Variants in R3HDM2 observed in about 807,000 individuals in gnomAD.
The protein encoded by R3HDM2 is R3H domain containing 2.
In R3HDM2, 38 loss-of-function variants were observed where a neutral mutation model predicts 124.5. The ratio of observed to expected loss-of-function variants is 0.31; its 90% CI spans 0.24 to 0.40. The LOEUF is 0.40. Among genes scored for constraint, R3HDM2 ranks in the 10% least tolerant of loss-of-function variants. The pLI is 1.00. For synonymous variants in R3HDM2, 391 were observed against 448.0 expected (o/e 0.87, Z 1.61); for missense variants, 869 against 1,236.9 (o/e 0.70, Z 4.46).
chr12:57,383,695 C>T (rs1372165263), intron 2 of R3HDM2, among the ~76,000 whole-genome samples: 1 of 152,096 alleles, frequency 6.6e-6, no homozygotes, highest in Admixed American at 6.6e-5. Flanking sequence ...GAGCGAGACT[C>T]CGTCTCAAAA....
At chr12:57,409,791 C>T (rs1248176512) in intron 1 of R3HDM2, among the ~76,000 whole-genome samples, 1 of 151,794 alleles carries the variant, frequency 6.6e-6, no homozygotes, top group Non-Finnish European at 1.5e-5. Flanking sequence ...AAAAATTTAC[C>T]CCATAACCCC....
intron 2 of R3HDM2, among the ~76,000 whole-genome samples, chr12:57,355,750 T>G (rs2061217620): frequency 6.6e-6 from 1 of 152,166 alleles, no homozygotes; most frequent in African/African-American, 2.4e-5. Flanking sequence ...AATTTAAAAA[T>G]ATCAAGTCTT....
intron 1 of R3HDM2, among the ~76,000 whole-genome samples, chr12:57,405,594 A>C (rs1355570431): frequency 6.6e-6 from 1 of 152,208 alleles, no homozygotes; most frequent in African/African-American, 2.4e-5. Flanking sequence ...TGATCACACC[A>C]CTGCACTACA....
intron 2 of R3HDM2, among the ~76,000 whole-genome samples, chr12:57,350,135 G>A (rs951113091): frequency 7.2e-5 from 11 of 151,956 alleles, no homozygotes; most frequent in Non-Finnish European, 1.3e-4. Context: ...GCTTGAACCC[G>A]GGAGGCAGAG....
At chr12:57,307,847 G>A (rs1431279474) in intron 3 of R3HDM2, among the ~76,000 whole-genome samples, 1 of 151,822 alleles carries the variant, frequency 6.6e-6, no homozygotes, top group African/African-American at 2.4e-5. Flanking sequence ...GAAATGCATA[G>A]AGAGTAGAGT....
At chr12:57,305,305 T>C (rs1177597646) in intron 3 of R3HDM2, among the ~76,000 whole-genome samples, 1 of 152,242 alleles carries the variant, frequency 6.6e-6, no homozygotes, top group African/African-American at 2.4e-5. Context: ...CTACATAGTA[T>C]TCCACTGTGT....
intron 1 of R3HDM2, among the ~76,000 whole-genome samples, chr12:57,418,579 T>A (rs1454544621): frequency 6.6e-6 from 1 of 151,738 alleles, no homozygotes; most frequent in Admixed American, 6.6e-5. Context: ...TTTTTTTTTT[T>A]GTAAATGGAG....
intron 2 of R3HDM2, among the ~76,000 whole-genome samples, chr12:57,332,176 G>T (rs1397958861): frequency 6.6e-6 from 1 of 151,922 alleles, no homozygotes; most frequent in African/African-American, 2.4e-5. Context: ...TTGGAAGGCT[G>T]AGGTGGGAGG....
chr12:57,345,532 CACACACACACACAT>C (rs2060001233), intron 2 of R3HDM2, among the ~76,000 whole-genome samples: 1 of 145,558 alleles, frequency 6.9e-6, no homozygotes, highest in Admixed American at 6.8e-5. Flanking sequence ...CACACACACA[CACACACACACACAT>C]ATATTAAGAG....
intron 2 of R3HDM2, among the ~76,000 whole-genome samples, chr12:57,330,935 T>C (rs547538298): frequency 5.9e-5 from 9 of 151,664 alleles, no homozygotes; most frequent in African/African-American, 1.2e-4. Context: ...CCTGACCTTG[T>C]GATCTGCCCG....
chr12:57,402,372 A>G (rs1427968157), intron 1 of R3HDM2, among the ~76,000 whole-genome samples: 1 of 152,116 alleles, frequency 6.6e-6, no homozygotes, highest in African/African-American at 2.4e-5. Flanking sequence ...TTTGGAGATA[A>G]GAGTCTCACT....
intron 1 of R3HDM2, among the ~76,000 whole-genome samples, chr12:57,428,509 G>A (rs1868575007): frequency 1.3e-5 from 2 of 149,444 alleles, no homozygotes; most frequent in Non-Finnish European, 3.0e-5. Flanking sequence ...GGGTGTGGTG[G>A]GGGGCGTGGT....
At chr12:57,421,202 T>C (rs1453238765) in intron 1 of R3HDM2, among the ~76,000 whole-genome samples, 1 of 147,262 alleles carries the variant, frequency 6.8e-6, no homozygotes, top group Non-Finnish European at 1.5e-5. Context: ...TTTGCTCTTG[T>C]TGCCCAGGCT....
At chr12:57,309,041 G>A (rs1032415600) in intron 3 of R3HDM2, among the ~76,000 whole-genome samples, 1 of 152,168 alleles carries the variant, frequency 6.6e-6, no homozygotes, top group Non-Finnish European at 1.5e-5. Flanking sequence ...ATTGTAAGAC[G>A]AAAAACAGTA....
intron 2 of R3HDM2, among the ~76,000 whole-genome samples, chr12:57,383,830 A>G (rs184703090): frequency 6.6e-6 from 1 of 152,346 alleles, no homozygotes; most frequent in Non-Finnish European, 1.5e-5. Context: ...TAAGGACCTC[A>G]ATATGCACAT....
intron 2 of R3HDM2, among the ~76,000 whole-genome samples, chr12:57,394,029 G>A (rs897177556): frequency 3.3e-5 from 5 of 152,128 alleles, no homozygotes; most frequent in African/African-American, 1.2e-4. Flanking sequence ...GGCTGGGTGT[G>A]GTGGCTCATA....
Position 57,406,940 on chromosome 12 carries a change from G to A in R3HDM2, c.-105-11122C>T, listed in dbSNP as rs147144845. On this transcript the variant is annotated intron_variant, in intron 1 of 23. Coordinates refer to ENST00000402412, the MANE Select transcript of R3HDM2 (RefSeq NM_001394031.1). ...ATATATAAACTACGAAGGAAAATAA[G>A]TGAGGGAAAGTCTTTTAGAAAAAGA... is the stretch of plus-strand genomic sequence containing the variant. Among the ~76,000 whole-genome samples the A allele has an allele frequency of 9.9e-5, 15 of 152,242 alleles. No homozygotes were observed. In the South Asian group the frequency reaches 1.0e-3, roughly 11 times the overall value.
chr12:57,267,583 T>C (rs1411520830), intron 18 of R3HDM2, among the ~76,000 whole-genome samples: 2 of 151,798 alleles, frequency 1.3e-5, no homozygotes, highest in East Asian at 3.9e-4. Context: ...AAAACAAATA[T>C]AGTCACATAA....
intron 2 of R3HDM2, among the ~76,000 whole-genome samples, chr12:57,338,080 G>C (rs2059098011): frequency 1.3e-5 from 2 of 152,228 alleles, no homozygotes; most frequent in Admixed American, 1.3e-4. Flanking sequence ...GAGATGGGCG[G>C]ATCACCTGAG....
Sources: gnomAD v4.1 joint callset for allele counts (sites outside exome capture counted in the v4.1 genomes callset) on GRCh38, gnomAD v4.1.1 for gene constraint, MANE v1.5 for transcripts, NCBI Gene and HGNC (gene_info 2026-07-23, HGNC 2026-07-21) for gene names.